SLFN5: variants seen among roughly 807,000 people sequenced by gnomAD.
SLFN5 encodes the protein schlafen family member 5.
A neutral mutation model predicts 48.5 loss-of-function variants in SLFN5; 34 were observed. That is an observed-to-expected ratio of 0.70 (90% CI 0.53 to 0.93). The LOEUF is 0.93. Ranked by LOEUF, SLFN5 falls within the 40% of genes least tolerant of loss-of-function variation. SLFN5 has a pLI of 0.00. For synonymous variants in SLFN5, 387 were observed against 396.2 expected (o/e 0.98, Z 0.28); for missense variants, 1,006 against 1,071.3 (o/e 0.94, Z 0.85).
At position 35,265,940 on chromosome 17, in the gene SLFN5, T is replaced by TGGTTTCACAGTTAATTA; in HGVS notation, c.*53_*54insGTTTCACAGTTAATTAG. ...TAAGTGGTTCTCATCTCTAATTAACTGTGAAACCATTTAATCCAAACATGT... is the reference window on the plus strand; with the variant it reads ...TAAGTGGTTCTCATCTCTAATTAACTGGTTTCACAGTTAATTAGTGAAACCATTTAATCCAAACATGT... On this transcript the variant is annotated 3_prime_UTR_variant, in exon 5 of 5. Transcript: ENST00000299977. 6.7e-7 allele frequency: 1 copy of TGGTTTCACAGTTAATTA among 1,502,302 alleles called. No individual in the cohort carries two copies. Among genetic ancestry groups the TGGTTTCACAGTTAATTA allele is most frequent in the Non-Finnish European group, 8.9e-7 (1 of 1,121,492 alleles). 93.1% of individuals were successfully genotyped at this position (1,502,302 alleles called of 1,614,324 possible).
At chr17:35,258,091 C>A (rs1222897307) in intron 1 of SLFN5, among the ~76,000 whole-genome samples, 1 of 152,226 alleles carries the variant, frequency 6.6e-6, no homozygotes, top group Non-Finnish European at 1.5e-5. Context: ...TTGGTCATTT[C>A]TGTGGTGGTG....
rs114554615 is a variant in SLFN5, at chr17:35,264,173, C to T, written c.1139-10C>T. On this transcript the variant is annotated splice_polypyrimidine_tract_variant and intron_variant, in intron 3 of 4. Coordinates refer to ENST00000299977, the MANE Select transcript of SLFN5 (RefSeq NM_144975.4). ...CTTTTCTAATTTCTTCCCATCCTTT[C>T]CCTGTCTAGTATTTTCAGACAGAGT... 5,628 of 1,561,348 alleles carry T rather than the reference C, an allele frequency of 3.6e-3. 202 individuals carry two copies. The African/African-American group carries it at 0.07, about 20-fold the overall frequency.
In SLFN5 at chr17:35,266,251, G is replaced by A. The variant is rs1465653121; in HGVS notation, c.*363G>A. On this transcript the variant is annotated 3_prime_UTR_variant, in exon 5 of 5. Coordinates refer to ENST00000299977, the MANE Select transcript of SLFN5 (RefSeq NM_144975.4). Reference sequence around the variant, plus strand: ...TTTTGGGTGGTCAGGGAAGTGCTCAGTGAGGGAAGAACTTGTCATGAGAAT... The same window carrying A: ...TTTTGGGTGGTCAGGGAAGTGCTCAATGAGGGAAGAACTTGTCATGAGAAT... 1 of 165,396 alleles carries A rather than the reference G, an allele frequency of 6.0e-6. No homozygotes were observed. The highest frequency in any genetic ancestry group is 2.4e-5 in the African/African-American group (1 of 41,882). 10.2% of individuals were successfully genotyped at this position (165,396 alleles called of 1,614,324 possible). A position where few individuals can be genotyped will look rare whatever the true frequency, so the allele number is the denominator to read the frequency against.
Position 35,265,712 on chromosome 17 carries a change from G to A in SLFN5, c.2500G>A (p.Asp834Asn). 6.2e-7 allele frequency: 1 copy of A among 1,614,190 alleles called. No homozygotes were observed. Among genetic ancestry groups the A allele is most frequent in the Non-Finnish European group, 8.5e-7 (1 of 1,180,042 alleles). ...DLLLQIGDAS[D>N]VLTDHIVLDS... ...GTTACTACAGATCGGTGATGCGTCG[G>A]ATGTTCTAACCGATCACATTGTGTT... Residue 834 changes from aspartate (D) to asparagine (N), a missense_variant, in exon 5 of 5, where the codon GAT becomes AAT. Coordinates refer to ENST00000299977, the MANE Select transcript of SLFN5 (RefSeq NM_144975.4).
Position 35,272,926 on chromosome 17 carries a change from A to G in SLFN5, c.*7038A>G, listed in dbSNP as rs778229130. The G allele has an allele frequency of 2.0e-5, 3 of 152,130 alleles. No homozygotes were observed. The highest frequency in any genetic ancestry group is 2.1e-4 in the South Asian group (1 of 4,808). 9.4% of individuals were successfully genotyped at this position (152,130 alleles called of 1,614,324 possible). On this transcript the variant is annotated 3_prime_UTR_variant, in exon 5 of 5. Transcript: ENST00000299977. ...CAGTAGTTAACAAAATTGTGAATGC[A>G]TATATCTCTTTCTCTAGAAATTTCT... is the stretch of plus-strand genomic sequence containing the variant.
chr17:35,252,147 C>T (rs1309812095), intron 1 of SLFN5, among the ~76,000 whole-genome samples: 1 of 152,030 alleles, frequency 6.6e-6, no homozygotes, highest in Non-Finnish European at 1.5e-5. Context: ...GACAGCTGAG[C>T]GGTGGGGCAT....
chr17:35,252,162 G>A (rs913025110), intron 1 of SLFN5, among the ~76,000 whole-genome samples: 6 of 152,164 alleles, frequency 3.9e-5, no homozygotes, highest in African/African-American at 1.4e-4. Flanking sequence ...GGGCATGGTG[G>A]CTCATACCTG....
chr17:35,264,865 C>G lies in SLFN5; in HGVS notation c.1821C>G (p.Leu607=). 6.3e-7 allele frequency: 1 copy of G among 1,581,780 alleles called. No individual in the cohort carries two copies. Among genetic ancestry groups the G allele is most frequent in the Non-Finnish European group, 8.6e-7 (1 of 1,168,292 alleles). Residue 607 remains leucine, a synonymous_variant, in exon 4 of 5, where the codon CTC becomes CTG. Coordinates refer to ENST00000299977, the MANE Select transcript of SLFN5 (RefSeq NM_144975.4). Reference sequence around the variant, plus strand: ...TTCACTGTGAACCGGCTAACATTCTCTACATCTGTGAAAACCAGCCCCTGA... The same window carrying G: ...TTCACTGTGAACCGGCTAACATTCTGTACATCTGTGAAAACCAGCCCCTGA... ...NVFHCEPANI[L]YICENQPLKK... is the part of the protein sequence containing the mutation.
chr17:35,254,183 G>A (rs1191320083), intron 1 of SLFN5, among the ~76,000 whole-genome samples: 2 of 151,986 alleles, frequency 1.3e-5, no homozygotes, highest in African/African-American at 4.8e-5. Flanking sequence ...TTTTAACTTA[G>A]CATTATTGTC....
chr17:35,261,192 G>C, intron 3 of SLFN5, 96 bp downstream of exon 3: 1 of 1,375,912 alleles, frequency 7.3e-7, no homozygotes, highest in South Asian at 1.7e-5. Context: ...ATCAATTCCA[G>C]AGGTTTAAGG....
Position 35,268,580 on chromosome 17 carries a change from G to T in SLFN5, c.*2692G>T, listed in dbSNP as rs960478801. On this transcript the variant is annotated 3_prime_UTR_variant, in exon 5 of 5. Coordinates refer to ENST00000299977, the MANE Select transcript of SLFN5 (RefSeq NM_144975.4). ...AAAAATACAAAAATTAGCTGGGTGT[G>T]GTGGTGCATGCCTGTAATACCAGCT... The T allele has an allele frequency of 4.6e-5, 7 of 152,286 alleles. No homozygotes were observed. Among genetic ancestry groups the T allele is most frequent in the Non-Finnish European group, 8.8e-5 (6 of 68,114 alleles). 9.4% of individuals were successfully genotyped at this position (152,286 alleles called of 1,614,324 possible).
At chr17:35,249,214 C>T (rs2142686100) in intron 1 of SLFN5, among the ~76,000 whole-genome samples, 1 of 152,254 alleles carries the variant, frequency 6.6e-6, no homozygotes, top group Middle Eastern at 3.4e-3. Context: ...AAAACAACCC[C>T]TTTATCTGAA....
rs936675760 is a variant in SLFN5, at chr17:35,270,642, G to A, written c.*4754G>A. 3 of 152,174 alleles carry A rather than the reference G, an allele frequency of 2.0e-5. No individual in the cohort carries two copies. Among genetic ancestry groups the A allele is most frequent in the African/African-American group, 7.2e-5 (3 of 41,422 alleles). The allele number at this position is 152,174 out of a possible 1,614,324, so 9.4% of individuals were successfully genotyped here. A position where few individuals can be genotyped will look rare whatever the true frequency, so the allele number is the denominator to read the frequency against. On this transcript the variant is annotated 3_prime_UTR_variant, in exon 5 of 5. Transcript: ENST00000299977. Reference sequence around the variant, plus strand: ...TAGAACTAAAAAACCCATACCTCAGGGTTTGTCAGCATTGGCACTGCTGGC... The same window carrying A: ...TAGAACTAAAAAACCCATACCTCAGAGTTTGTCAGCATTGGCACTGCTGGC...
intron 1 of SLFN5, among the ~76,000 whole-genome samples, chr17:35,253,151 C>T (rs894282369): frequency 6.6e-6 from 1 of 151,876 alleles, no homozygotes; most frequent in Non-Finnish European, 1.5e-5. Flanking sequence ...CGCATGGTAG[C>T]GGGGGTGTAT....
chr17:35,265,228 A>C lies in SLFN5; in HGVS notation c.2016A>C (p.Ala672=). The change falls in exon 5 of 5, where the codon GCA becomes GCC. Residue 672 remains alanine (A), a synonymous_variant. Coordinates refer to ENST00000299977, the MANE Select transcript of SLFN5 (RefSeq NM_144975.4). ...YGKAKFITQT[A]RDGPGVLWIF... ...AAGCAAAGTTCATCACTCAGACAGC[A>C]AGGGATGGCCCAGGAGTTCTCTGGA... is the stretch of plus-strand genomic sequence containing the variant. 1 of 1,614,232 alleles carries C rather than the reference A, an allele frequency of 6.2e-7. No homozygotes were observed. The highest frequency in any genetic ancestry group is 8.5e-7 in the Non-Finnish European group (1 of 1,180,038).
rs2142709886 is a variant in SLFN5, at chr17:35,268,770, AAG to A, written c.*2883_*2884del. On this transcript the variant is annotated 3_prime_UTR_variant, in exon 5 of 5. Transcript: ENST00000299977. The stretch of plus-strand genomic sequence containing the variant: ...GTCTCCTGCCATAGAAGAATTTAAG[AAG>A]TTCATAAATTCAATAAAACAAGAGT... 6.6e-6 allele frequency: 1 copy of A among 152,292 alleles called. No homozygotes were observed. Among genetic ancestry groups the A allele is most frequent in the South Asian group, 2.1e-4 (1 of 4,830 alleles). The allele number at this position is 152,292 out of a possible 1,614,324, so 9.4% of individuals were successfully genotyped here.
At chr17:35,252,447 G>T (rs2092444624) in intron 1 of SLFN5, among the ~76,000 whole-genome samples, 1 of 152,044 alleles carries the variant, frequency 6.6e-6, no homozygotes, top group South Asian at 2.1e-4. Flanking sequence ...AACCAAAAAG[G>T]ACAGCTGAGG....
intron 1 of SLFN5, among the ~76,000 whole-genome samples, chr17:35,243,839 A>G (rs2092424652): frequency 6.6e-6 from 1 of 152,248 alleles, no homozygotes; most frequent in Non-Finnish European, 1.5e-5. Context: ...AAACACTGAC[A>G]CACAGATGCT....
At chr17:35,246,231 G>A (rs2092430282) in intron 1 of SLFN5, among the ~76,000 whole-genome samples, 1 of 151,924 alleles carries the variant, frequency 6.6e-6, no homozygotes, top group African/African-American at 2.4e-5. Context: ...CTACTTACAA[G>A]TTCTTTATCA....
Sources: allele counts gnomAD v4.1 joint callset (sites outside exome capture counted in the v4.1 genomes callset), GRCh38; gene constraint gnomAD v4.1.1; transcripts MANE v1.5; gene names NCBI Gene and HGNC (gene_info 2026-07-23, HGNC 2026-07-21).